ARK2C: variants seen among roughly 807,000 people sequenced by gnomAD.
ARK2C encodes arkadia (RNF111) C-terminal like ring finger ubiquitin ligase 2C.
the ARK2C span, chr18:46,461,881 C>A: frequency 6.6e-6 from 1 of 152,056 alleles, no homozygotes; most frequent in Non-Finnish European, 1.5e-5. Flanking sequence ...AGTCATTTGG[C>A]GAGTGAGCTG....
the ARK2C span, among the ~76,000 whole-genome samples, chr18:46,387,419 A>C: frequency 6.6e-6 from 1 of 152,230 alleles, no homozygotes; most frequent in African/African-American, 2.4e-5. Context: ...GAGTGAATCC[A>C]GTACAAAAAC....
At chr18:46,437,707 G>A in the ARK2C span, among the ~76,000 whole-genome samples, 1 of 152,170 alleles carries the variant, frequency 6.6e-6, no homozygotes, top group Admixed American at 6.5e-5. Context: ...TCTTGCCCAT[G>A]CCTAATAACT....
the ARK2C span, among the ~76,000 whole-genome samples, chr18:46,393,292 T>C: frequency 6.6e-6 from 1 of 152,184 alleles, no homozygotes. Flanking sequence ...GGGTGACTGT[T>C]CCCAGCTCTT....
chr18:46,392,429 T>C, the ARK2C span, among the ~76,000 whole-genome samples: 3 of 152,384 alleles, frequency 2.0e-5, no homozygotes, highest in East Asian at 5.8e-4. Flanking sequence ...GGCCCTCTTT[T>C]GGTGGCTTGC....
the ARK2C span, among the ~76,000 whole-genome samples, chr18:46,383,577 C>T: frequency 1.5e-3 from 163 of 107,828 alleles, 2 homozygotes; most frequent in Admixed American, 8.3e-3. Context: ...TTTTTTGAGA[C>T]GGAGTCTCAC....
At chr18:46,449,597 T>C in the ARK2C span, among the ~76,000 whole-genome samples, 1 of 152,120 alleles carries the variant, frequency 6.6e-6, no homozygotes, top group South Asian at 2.1e-4. Flanking sequence ...TGGAGATAAT[T>C]GAATCATGTG....
At chr18:46,347,084 G>C in the ARK2C span, among the ~76,000 whole-genome samples, 5 of 152,148 alleles carry the variant, frequency 3.3e-5, no homozygotes, top group African/African-American at 1.2e-4. Flanking sequence ...CTGAGGCCTG[G>C]AGAAAATCAG....
the ARK2C span, among the ~76,000 whole-genome samples, chr18:46,424,764 C>G: frequency 6.6e-6 from 1 of 152,218 alleles, no homozygotes. Context: ...GTCCATGGGG[C>G]TGTCCAGGTC....
the ARK2C span, among the ~76,000 whole-genome samples, chr18:46,421,697 A>C: frequency 6.6e-6 from 1 of 152,196 alleles, no homozygotes; most frequent in Non-Finnish European, 1.5e-5. Context: ...CTCCTGGTCC[A>C]TGATGGCAAC....
At chr18:46,369,569 G>A in the ARK2C span, among the ~76,000 whole-genome samples, 268 of 152,206 alleles carry the variant, frequency 1.8e-3, 2 homozygotes, top group African/African-American at 5.9e-3. Flanking sequence ...TTTGCAGGGC[G>A]GGATTCCCTA....
At chr18:46,381,166 A>T in the ARK2C span, among the ~76,000 whole-genome samples, 1 of 152,226 alleles carries the variant, frequency 6.6e-6, no homozygotes, top group African/African-American at 2.4e-5. Flanking sequence ...GCGAGGAGGC[A>T]TTGCTGTTTT....
At chr18:46,358,512 CT>C in the ARK2C span, among the ~76,000 whole-genome samples, 1 of 152,196 alleles carries the variant, frequency 6.6e-6, no homozygotes, top group Non-Finnish European at 1.5e-5. Context: ...TGCTCCTCCC[CT>C]GAAGGAAGCT....
At chr18:46,369,392 G>C in the ARK2C span, among the ~76,000 whole-genome samples, 1 of 152,058 alleles carries the variant, frequency 6.6e-6, no homozygotes. Context: ...GGGGTGGCAG[G>C]GGGGTGGGAG....
chr18:46,366,332 T>G, the ARK2C span, among the ~76,000 whole-genome samples: 4 of 140,272 alleles, frequency 2.9e-5, no homozygotes, highest in Non-Finnish European at 6.1e-5. Flanking sequence ...GAGAGAGAGA[T>G]AATTCTTGTG....
At chr18:46,375,437 C>G in the ARK2C span, among the ~76,000 whole-genome samples, 1 of 151,900 alleles carries the variant, frequency 6.6e-6, no homozygotes, top group African/African-American at 2.4e-5. Flanking sequence ...ACCTGTAATC[C>G]TAGCTACTCA....
At chr18:46,387,371 G>A in the ARK2C span, among the ~76,000 whole-genome samples, 564 of 152,354 alleles carry the variant, frequency 3.7e-3, 1 homozygote, top group Admixed American at 6.3e-3. Flanking sequence ...TCTGAAGTAA[G>A]GAAAGCAGCT....
the ARK2C span, among the ~76,000 whole-genome samples, chr18:46,392,052 C>G: frequency 6.6e-6 from 1 of 151,884 alleles, no homozygotes; most frequent in East Asian, 1.9e-4. Context: ...ACATACAACA[C>G]ACACACCACA....
At chr18:46,443,998 T>C in the ARK2C span, among the ~76,000 whole-genome samples, 1 of 152,150 alleles carries the variant, frequency 6.6e-6, no homozygotes, top group Non-Finnish European at 1.5e-5. Flanking sequence ...TTTAAAAATA[T>C]ATTTTTTCTA....
the ARK2C span, among the ~76,000 whole-genome samples, chr18:46,388,106 C>T: frequency 6.6e-6 from 1 of 152,182 alleles, no homozygotes; most frequent in Admixed American, 6.5e-5. Flanking sequence ...GAGAAAGTGG[C>T]TTACTGAAGG....
Sources: gnomAD v4.1 joint callset for allele counts (sites outside exome capture counted in the v4.1 genomes callset) on GRCh38, gnomAD v4.1.1 for gene constraint, MANE v1.5 for transcripts, NCBI Gene and HGNC (gene_info 2026-07-23, HGNC 2026-07-21) for gene names.